Variants in ITGA4 observed in about 807,000 individuals in gnomAD.
ITGA4 encodes the protein integrin alpha-4.
A neutral mutation model predicts 133.6 loss-of-function variants in ITGA4; 63 were observed. The observed-to-expected ratio is 0.47, with a 90% CI of 0.38 to 0.58. The LOEUF (loss-of-function observed/expected upper bound fraction) is 0.58, where lower values mean the gene tolerates loss of function less well. Among genes scored for constraint, ITGA4 ranks in the 20% least tolerant of loss-of-function variants. ITGA4 has a pLI of 0.00. For missense variants in ITGA4, 1,076 were observed against 1,252.7 expected (o/e 0.86, Z 2.13); for synonymous variants, 483 against 438.0 (o/e 1.10, Z -1.28).
chr2:181,462,980 G>A (rs988033616), intron 2 of ITGA4, among the ~76,000 whole-genome samples: 6 of 152,266 alleles, frequency 3.9e-5, no homozygotes, highest in African/African-American at 1.4e-4. Flanking sequence ...AGGCTTTAAA[G>A]TTTATAAGAT....
intron 21 of ITGA4, among the ~76,000 whole-genome samples, chr2:181,526,251 C>A (rs1252641052): frequency 6.6e-6 from 1 of 152,178 alleles, no homozygotes; most frequent in Non-Finnish European, 1.5e-5. Context: ...CTCCTCCTGG[C>A]TTATGATGAG....
chr2:181,469,364 C>A (rs1234937881), intron 2 of ITGA4, among the ~76,000 whole-genome samples: 1 of 152,054 alleles, frequency 6.6e-6, no homozygotes, highest in East Asian at 1.9e-4. Context: ...GAATGCTGCC[C>A]AACACCAATC....
At chr2:181,519,477 G>T (rs936392216) in intron 17 of ITGA4, among the ~76,000 whole-genome samples, 7 of 151,876 alleles carry the variant, frequency 4.6e-5, no homozygotes, top group African/African-American at 1.7e-4. Context: ...AAAAAAAGAG[G>T]AAGAATTTTC....
intron 10 of ITGA4, among the ~76,000 whole-genome samples, chr2:181,488,650 C>G (rs1430596155): frequency 6.6e-6 from 1 of 151,866 alleles, no homozygotes; most frequent in Non-Finnish European, 1.5e-5. Flanking sequence ...GCTCTGACTC[C>G]CGGGTTCATG....
intron 25 of ITGA4, 124 bp from the exon 26 acceptor site, chr2:181,534,148 T>A: frequency 1.6e-6 from 1 of 608,852 alleles, no homozygotes; most frequent in Non-Finnish European, 2.9e-6. Flanking sequence ...GCAGTTAATT[T>A]TAAGTGGTGA....
intron 23 of ITGA4, 71 bp downstream of exon 23, chr2:181,529,719 T>C: frequency 1.3e-6 from 1 of 775,428 alleles, no homozygotes; most frequent in Non-Finnish European, 2.2e-6. Context: ...AAACCAATCC[T>C]TTATTCGAGT....
chr2:181,508,154 T>C (rs538394719), intron 15 of ITGA4, among the ~76,000 whole-genome samples: 3 of 152,172 alleles, frequency 2.0e-5, no homozygotes, highest in East Asian at 3.9e-4. Context: ...CAATCAGTTG[T>C]AATAAACTCG....
chr2:181,534,506 G>C, intron 26 of ITGA4, 136 bp downstream of exon 26: 2 of 656,732 alleles, frequency 3.0e-6, no homozygotes, highest in African/African-American at 1.8e-5. Context: ...CCAATACTTG[G>C]TTGAGAGTTG....
chr2:181,461,444 G>A (rs746564676), intron 2 of ITGA4, among the ~76,000 whole-genome samples: 15 of 151,818 alleles, frequency 9.9e-5, no homozygotes, highest in South Asian at 6.3e-4. Context: ...AGACTTGCTC[G>A]TGAAGACTAT....
At chr2:181,497,988 A>T (rs918603631) in intron 14 of ITGA4, among the ~76,000 whole-genome samples, 11 of 152,074 alleles carry the variant, frequency 7.2e-5, no homozygotes, top group African/African-American at 9.7e-5. Context: ...AGAATTTTTT[A>T]AAAATTGCAC....
chr2:181,461,811 G>A (rs985279373), intron 2 of ITGA4, among the ~76,000 whole-genome samples: 3 of 152,062 alleles, frequency 2.0e-5, no homozygotes, highest in Admixed American at 6.5e-5. Context: ...ATCCAGTATA[G>A]TATCCACTAA....
In ITGA4 at chr2:181,523,171, C is replaced by T. The variant is rs970308448; in HGVS notation, c.2074-266C>T. Reference sequence around the variant, plus strand: ...TAGAGTACACACATATATGTATATACACACACACATACACATACACATATA... The same window carrying T: ...TAGAGTACACACATATATGTATATATACACACACATACACATACACATATA... On this transcript the variant is annotated intron_variant, in intron 18 of 27. Transcript: ENST00000397033. This position sits in a 1 kb window ranked among gnomAD's most constrained non-coding sequence, Gnocchi z 4.2. 3.3e-5 allele frequency among the ~76,000 whole-genome samples: 5 copies of T among 151,674 alleles called. No individual in the cohort carries two copies. The highest frequency in any genetic ancestry group is 5.9e-5 in the Non-Finnish European group (4 of 67,928).
intron 15 of ITGA4, among the ~76,000 whole-genome samples, chr2:181,507,900 G>A (rs1320543128): frequency 6.6e-6 from 1 of 152,054 alleles, no homozygotes; most frequent in African/African-American, 2.4e-5. Context: ...ATAGACTTGA[G>A]AGTCTAGGAC....
chr2:181,468,225 A>C (rs1685466895), intron 2 of ITGA4, among the ~76,000 whole-genome samples: 2 of 152,188 alleles, frequency 1.3e-5, no homozygotes, highest in African/African-American at 4.8e-5. Context: ...AAGATCTTCA[A>C]ACTCAGAGAC....
chr2:181,520,228 A>G lies in ITGA4; in HGVS notation c.1923-1963A>G, dbSNP rs946692132. ...CAACTGAGAATTATTGACGTCCAAG[A>G]TAAATCTTGAAGAATAAGTACACGT... On this transcript the variant is annotated intron_variant, in intron 17 of 27. Transcript: ENST00000397033. Among the ~76,000 whole-genome samples the G allele has an allele frequency of 4.6e-5, 7 of 152,172 alleles. No individual in the cohort carries two copies. In the South Asian group the frequency reaches 8.3e-4, roughly 18 times the overall value.
At chr2:181,530,423 T>C in intron 23 of ITGA4, 101 bp from the exon 24 acceptor site, 1 of 1,071,716 alleles carries the variant, frequency 9.3e-7, no homozygotes, top group Non-Finnish European at 1.3e-6. Flanking sequence ...CTTGATATAT[T>C]TTAGCAAAGA....
intron 17 of ITGA4, among the ~76,000 whole-genome samples, chr2:181,513,954 T>G (rs1396411564): frequency 1.3e-5 from 2 of 152,112 alleles, no homozygotes; most frequent in Admixed American, 6.6e-5. Flanking sequence ...CAAAGCAGGG[T>G]CCTGTCATTT....
chr2:181,522,301 A>G lies in ITGA4; in HGVS notation c.2033A>G (p.Lys678Arg). 6.2e-7 allele frequency: 1 copy of G among 1,610,620 alleles called. No individual in the cohort carries two copies. The highest frequency in any genetic ancestry group is 1.3e-5 in the African/African-American group (1 of 74,896). ...GCATATGAAACGACTCTACATGTCA[A>G]ACTACCCGTGGGTCTTTATTTCATT... The part of the protein sequence containing the change: ...DDAYETTLHV[K>R]LPVGLYFIKI... Residue 678 changes from lysine (K) to arginine (R), a missense_variant, in exon 18 of 28, where the codon AAA becomes AGA. By Grantham distance (26) the Lys-to-Arg change is conservative. Coordinates refer to ENST00000397033, the MANE Select transcript of ITGA4 (RefSeq NM_000885.6).
rs938822140 is a variant in ITGA4 at position 181,457,454 on chromosome 2, G to C, written c.-201G>C. The C allele has an allele frequency of 3.7e-6, 2 of 534,784 alleles. No homozygotes were observed. The highest frequency in any genetic ancestry group is 7.5e-5 in the Admixed American group (2 of 26,502). 33.1% of individuals were successfully genotyped at this position (534,784 alleles called of 1,614,324 possible). A position where few individuals can be genotyped will look rare whatever the true frequency, so the allele number is the denominator to read the frequency against. The stretch of plus-strand genomic sequence containing the variant: ...CGGGAGTGGGGCCGGGCGAGTGCGC[G>C]GCATCCCAGGCCGGCCCGAACGCTC... On this transcript the variant is annotated 5_prime_UTR_variant, in exon 1 of 28. Coordinates refer to ENST00000397033, the MANE Select transcript of ITGA4 (RefSeq NM_000885.6).
Sources: allele counts gnomAD v4.1 joint callset (sites outside exome capture counted in the v4.1 genomes callset), GRCh38; gene constraint gnomAD v4.1.1; non-coding constraint Gnocchi (gnomAD v3.1); transcripts MANE v1.5; gene names NCBI Gene and HGNC (gene_info 2026-07-23, HGNC 2026-07-21).